DNM1: variants seen among roughly 807,000 people sequenced by gnomAD.
DNM1 encodes dynamin 1.
DNM1 carries 29 observed loss-of-function variants against 104.6 expected under a neutral mutation model. The ratio of observed to expected loss-of-function variants is 0.28; its 90% CI spans 0.21 to 0.38. The LOEUF (loss-of-function observed/expected upper bound fraction) is 0.38. Among genes scored for constraint, DNM1 ranks in the 10% least tolerant of loss-of-function variants. The probability of loss-of-function intolerance (pLI) is 1.00; values close to 1 mark genes in which losing one functional copy is unlikely to be tolerated. For synonymous variants in DNM1, 445 were observed against 475.8 expected, an observed-to-expected ratio of 0.94 and a Z score of 0.84; for missense variants, 640 against 1,189.4, an observed-to-expected ratio of 0.54 and a Z score of 6.79.
In DNM1 at chr9:128,243,201, C is replaced by T. The variant is rs1836498056; in HGVS notation, c.1671+856C>T. 6.6e-6 allele frequency among the ~76,000 whole-genome samples: 1 copy of T among 152,200 alleles called. No individual in the cohort carries two copies. Among genetic ancestry groups the T allele is most frequent in the Admixed American group, 6.5e-5 (1 of 15,282 alleles). On this transcript the variant is annotated intron_variant, in intron 15 of 21. Coordinates refer to ENST00000372923, the MANE Select transcript of DNM1 (RefSeq NM_004408.4). The surrounding 1 kb of genome is among the most constrained non-coding windows in gnomAD (Gnocchi z 4.0). ...GGGTGCACAGAAGCCCCTGCCACCTCCTTCCCCTGTTGCTGGTCTCCTTTA... is the reference window on the plus strand; with the variant it reads ...GGGTGCACAGAAGCCCCTGCCACCTTCTTCCCCTGTTGCTGGTCTCCTTTA...
Position 128,254,596 on chromosome 9 carries a change from C to A in DNM1, c.2535-58C>A. On this transcript the variant is annotated intron_variant, in intron 21 of 21. Coordinates refer to ENST00000372923, the MANE Select transcript of DNM1 (RefSeq NM_004408.4). This position sits in a 1 kb window ranked among gnomAD's most constrained non-coding sequence, Gnocchi z 6.1. The stretch of plus-strand genomic sequence containing the variant: ...CCGGCCGTGTGCTGCGCTTGCCTTA[C>A]CAGCTCTCTCCTCGCTTTTCTCTCC... 1 of 1,501,560 alleles carries A rather than the reference C, an allele frequency of 6.7e-7. No homozygotes were observed. The highest frequency in any genetic ancestry group is 1.1e-5 in the South Asian group (1 of 90,078). The allele number at this position is 1,501,560 out of a possible 1,614,324, so 93.0% of individuals were successfully genotyped here.
chr9:128,230,956 C>T (rs1036188723), intron 10 of DNM1, among the ~76,000 whole-genome samples: 5 of 151,924 alleles, frequency 3.3e-5, no homozygotes, highest in Non-Finnish European at 5.9e-5. Flanking sequence ...GCATGTGCCA[C>T]CACACCCAGC....
chr9:128,242,091 T>C, intron 14 of DNM1, 141 bp from the exon 15 acceptor site: 1 of 667,630 alleles, frequency 1.5e-6, no homozygotes, highest in Non-Finnish European at 2.7e-6. Context: ...CCAAGGCAGG[T>C]CTGGCCCCCA....
Position 128,222,724 on chromosome 9 carries a change from G to A in DNM1, c.1129-69G>A. Reference sequence around the variant, plus strand: ...TGATGCCCAGCCCTAGGTGTGGGGTGGGCCCTGTCTTGACCTCCCAGGTAG... The same window carrying A: ...TGATGCCCAGCCCTAGGTGTGGGGTAGGCCCTGTCTTGACCTCCCAGGTAG... On this transcript the variant is annotated intron_variant, in intron 8 of 21. Coordinates refer to ENST00000372923, the MANE Select transcript of DNM1 (RefSeq NM_004408.4). The surrounding 1 kb of genome is among the most constrained non-coding windows in gnomAD (Gnocchi z 7.8). The A allele has an allele frequency of 1.2e-6, 2 of 1,604,214 alleles. No individual in the cohort carries two copies. Among genetic ancestry groups the A allele is most frequent in the Non-Finnish European group, 1.7e-6 (2 of 1,172,108 alleles).
intron 1 of DNM1, among the ~76,000 whole-genome samples, chr9:128,214,996 C>G (rs1462551213): frequency 6.6e-6 from 1 of 152,246 alleles, no homozygotes; most frequent in African/African-American, 2.4e-5. Context: ...AAGGGAAGAG[C>G]TAGGGAGCTG....
intron 1 of DNM1, among the ~76,000 whole-genome samples, chr9:128,213,751 G>C (rs972502932): frequency 6.6e-6 from 1 of 152,144 alleles, no homozygotes; most frequent in Non-Finnish European, 1.5e-5. Context: ...CGGGTGTCCT[G>C]AGAGTCTGCT....
In DNM1 at chr9:128,245,970, C is replaced by T. The variant is rs1481763784; in HGVS notation, c.1672-424C>T. Among the ~76,000 whole-genome samples, 2 of 152,250 alleles carry T rather than the reference C, an allele frequency of 1.3e-5. No individual in the cohort carries two copies. The highest frequency in any genetic ancestry group is 2.9e-5 in the Non-Finnish European group (2 of 68,052). ...GGGAGCTCGGGGGAGTGGGCTGAGCCGGCCCTTTGAAGCCGCCGGGTCTGG... is the reference window on the plus strand; with the variant it reads ...GGGAGCTCGGGGGAGTGGGCTGAGCTGGCCCTTTGAAGCCGCCGGGTCTGG... On this transcript the variant is annotated intron_variant, in intron 15 of 21. Transcript: ENST00000372923. This position sits in a 1 kb window ranked among gnomAD's most constrained non-coding sequence, Gnocchi z 5.2.
intron 10 of DNM1, chr9:128,225,901 T>G: frequency 1.4e-6 from 1 of 739,158 alleles, no homozygotes; most frequent in African/African-American, 1.8e-5. Context: ...TCTGTGTCGA[T>G]GTCTCTCTCT....
At chr9:128,221,546 C>A (rs760715698) in intron 6 of DNM1, among the ~76,000 whole-genome samples, 2 of 152,164 alleles carry the variant, frequency 1.3e-5, no homozygotes, top group African/African-American at 4.8e-5. Flanking sequence ...AGGCTTTAAA[C>A]CCAGAGGGTC....
At chr9:128,241,117 G>A (rs1317818260) in intron 14 of DNM1, 2 of 152,244 alleles carry the variant, frequency 1.3e-5, no homozygotes, top group Admixed American at 1.3e-4. Flanking sequence ...GGTTCTCAGC[G>A]AGGTTCTCAG....
In DNM1 at chr9:128,247,818, A is replaced by G. The variant is rs1399087232; in HGVS notation, c.1894-106A>G. 1 of 1,440,618 alleles carries G rather than the reference A, an allele frequency of 6.9e-7. No individual in the cohort carries two copies. Among genetic ancestry groups the G allele is most frequent in the Admixed American group, 2.0e-5 (1 of 51,182 alleles). 89.2% of individuals were successfully genotyped at this position (1,440,618 alleles called of 1,614,324 possible). On this transcript the variant is annotated intron_variant, in intron 17 of 21. Transcript: ENST00000372923. This position sits in a 1 kb window ranked among gnomAD's most constrained non-coding sequence, Gnocchi z 5.1. ...TAGAGTAGCCTGAGAGTTGGGGTGC[A>G]GTATCCCAGGTTCACTCAATCTCTC... is the stretch of plus-strand genomic sequence containing the variant.
At chr9:128,229,181 C>T (rs532566699) in intron 10 of DNM1, among the ~76,000 whole-genome samples, 1 of 151,796 alleles carries the variant, frequency 6.6e-6, no homozygotes, top group South Asian at 2.1e-4. Flanking sequence ...TGCTTGAGGC[C>T]AGAAGTTTAA....
At chr9:128,205,584 A>G (rs555176194) in intron 1 of DNM1, among the ~76,000 whole-genome samples, 15 of 152,358 alleles carry the variant, frequency 9.8e-5, no homozygotes, top group Middle Eastern at 3.4e-3. Context: ...CACCAGGCAC[A>G]GGGACGTGTG....
chr9:128,234,100 A>T lies in DNM1; in HGVS notation c.1415A>T (p.Lys472Met). Reference sequence around the variant, plus strand: ...ATCCGGGAGCGCGAGGGCCGCACTAAGGAGCAGGTGAGCCCCGCAGCACCC... The same window carrying T: ...ATCCGGGAGCGCGAGGGCCGCACTATGGAGCAGGTGAGCCCCGCAGCACCC... ...THIREREGRT[K>M]EQVMLLIDIE... The change falls in exon 11 of 22, where the codon AAG becomes ATG. Residue 472 changes from lysine to methionine, a missense_variant. Lys to Met is a moderately conservative substitution (Grantham distance 95). Around this residue, in one of 7 missense-constraint regions of DNM1, gnomAD observed 92 missense variants for 124.4 expected, o/e 0.74. Transcript: ENST00000372923. The T allele has an allele frequency of 6.4e-7, 1 of 1,558,792 alleles. No individual in the cohort carries two copies. Among genetic ancestry groups the T allele is most frequent in the Non-Finnish European group, 8.7e-7 (1 of 1,152,124 alleles).
At chr9:128,211,299 A>G (rs1456824917) in intron 1 of DNM1, among the ~76,000 whole-genome samples, 1 of 151,888 alleles carries the variant, frequency 6.6e-6, no homozygotes, top group East Asian at 1.9e-4. Context: ...TCAAAACGGA[A>G]CCCCACACCT....
chr9:128,232,693 C>G (rs1484300880), intron 10 of DNM1: 3 of 152,540 alleles, frequency 2.0e-5, no homozygotes, highest in Admixed American at 2.0e-4. Context: ...TTTGCCCCAT[C>G]GTGCTGCCTG....
intron 21 of DNM1, chr9:128,251,323 T>C (rs901211656): frequency 1.3e-5 from 5 of 384,196 alleles, no homozygotes; most frequent in African/African-American, 1.1e-4. Flanking sequence ...TCCCAGCCCC[T>C]GGGGAGCCTA....
intron 15 of DNM1, among the ~76,000 whole-genome samples, chr9:128,242,578 G>A (rs1317871440): frequency 2.0e-5 from 3 of 152,108 alleles, no homozygotes; most frequent in Non-Finnish European, 4.4e-5. Context: ...CGGCCAAAAT[G>A]GTGAAACCCC....
rs1007795535 is a variant in DNM1, at chr9:128,254,800, C to T, written c.*86C>T. ...GACTTGACAGTGGCTCCCCCAGCCC[C>T]AAAGCCAGCCCCCTTCATCTGTGAC... is the stretch of plus-strand genomic sequence containing the variant. On this transcript the variant is annotated 3_prime_UTR_variant, in exon 22 of 22. Transcript: ENST00000372923. The surrounding 1 kb of genome is among the most constrained non-coding windows in gnomAD (Gnocchi z 6.1). The T allele has an allele frequency of 1.2e-5, 13 of 1,061,208 alleles. No individual in the cohort carries two copies. In the African/African-American group the frequency reaches 1.9e-4, roughly 15 times the overall value. The allele number at this position is 1,061,208 out of a possible 1,614,324, so 65.7% of individuals were successfully genotyped here. A position where few individuals can be genotyped will look rare whatever the true frequency, so the allele number is the denominator to read the frequency against.
Sources: gnomAD v4.1 joint callset for allele counts (sites outside exome capture counted in the v4.1 genomes callset) on GRCh38, gnomAD v4.1.1 for gene constraint, gnomAD v4.1.1 regional missense constraint, Gnocchi (gnomAD v3.1) non-coding constraint, MANE v1.5 for transcripts, NCBI Gene and HGNC (gene_info 2026-07-23, HGNC 2026-07-21) for gene names.